Variants in A1CF observed in about 807,000 individuals in gnomAD.
A1CF encodes the protein APOBEC1 complementation factor.
In A1CF, 48 loss-of-function variants were observed where a neutral mutation model predicts 68.9. The observed-to-expected ratio is 0.70, with a 90% CI of 0.55 to 0.89. A1CF has a LOEUF of 0.89. A1CF is among the 40% of genes least tolerant of loss of function. The probability of loss-of-function intolerance (pLI) is 0.00; values close to 1 mark genes in which losing one functional copy is unlikely to be tolerated. For synonymous variants in A1CF, 272 were observed against 260.4 expected, an observed-to-expected ratio of 1.04 and a Z score of -0.43; for missense variants, 653 against 718.9, an observed-to-expected ratio of 0.91 and a Z score of 1.05.
chr10:50,826,632 C>T (rs917707270), intron 7 of A1CF, among the ~76,000 whole-genome samples: 3 of 152,050 alleles, frequency 2.0e-5, no homozygotes, highest in African/African-American at 4.8e-5. Context: ...CTGAAGGAAG[C>T]GCTAAACATG....
chr10:50,804,709 C>A lies in A1CF; in HGVS notation c.*2020G>T, dbSNP rs1837743040. The A allele has an allele frequency of 6.6e-6, 1 of 152,016 alleles. No individual in the cohort carries two copies. Among genetic ancestry groups the A allele is most frequent in the African/African-American group, 2.4e-5 (1 of 41,394 alleles). 9.4% of individuals were successfully genotyped at this position (152,016 alleles called of 1,614,324 possible). ...TATTTATGGGATAAATATGATTTGGCTATTTGTCTTAACTTAGATGATTTT... is the reference window on the plus strand; with the variant it reads ...TATTTATGGGATAAATATGATTTGGATATTTGTCTTAACTTAGATGATTTT... On this transcript the variant is annotated 3_prime_UTR_variant, in exon 13 of 13. Transcript: ENST00000373997.
At chr10:50,815,217 A>G (rs1225728945) in intron 9 of A1CF, among the ~76,000 whole-genome samples, 1 of 152,224 alleles carries the variant, frequency 6.6e-6, no homozygotes, top group Admixed American at 6.5e-5. Context: ...ACTCATCTGA[A>G]GGAGCCAAAA....
chr10:50,820,319 A>C (rs1248488821), intron 8 of A1CF, among the ~76,000 whole-genome samples: 1 of 152,204 alleles, frequency 6.6e-6, no homozygotes, highest in Non-Finnish European at 1.5e-5. Flanking sequence ...ATTGAGGGCC[A>C]GTGACTTGTC....
intron 4 of A1CF, among the ~76,000 whole-genome samples, chr10:50,842,740 C>T (rs1200926320): frequency 2.0e-5 from 3 of 152,206 alleles, no homozygotes; most frequent in African/African-American, 4.8e-5. Context: ...AATGCTCATT[C>T]GCCAAACTAA....
At chr10:50,815,248 C>T (rs1398005523) in intron 9 of A1CF, among the ~76,000 whole-genome samples, 1 of 152,124 alleles carries the variant, frequency 6.6e-6, no homozygotes, top group African/African-American at 2.4e-5. Flanking sequence ...AAGCTAGTTT[C>T]TTGGAAATAG....
At chr10:50,808,882 GAATT>G (rs1346003950) in intron 12 of A1CF, among the ~76,000 whole-genome samples, 3 of 151,956 alleles carry the variant, frequency 2.0e-5, no homozygotes, top group Non-Finnish European at 4.4e-5. Flanking sequence ...GCCAATATAT[GAATT>G]AATTAATCAA....
At chr10:50,860,682 C>G (rs191265903) in intron 2 of A1CF, among the ~76,000 whole-genome samples, 1 of 152,138 alleles carries the variant, frequency 6.6e-6, no homozygotes, top group African/African-American at 2.4e-5. Context: ...CATATGTTCA[C>G]GTTTGTGTGT....
chr10:50,821,824 A>G (rs1838692328), intron 7 of A1CF, among the ~76,000 whole-genome samples: 1 of 152,186 alleles, frequency 6.6e-6, no homozygotes, highest in Non-Finnish European at 1.5e-5. Context: ...GGCATGAGCC[A>G]CCGTGCCTGG....
chr10:50,879,376 T>C (rs1841668899), intron 1 of A1CF, among the ~76,000 whole-genome samples: 1 of 152,224 alleles, frequency 6.6e-6, no homozygotes, highest in South Asian at 2.1e-4. Context: ...ACAATTACTT[T>C]TTATTTTTAT....
intron 5 of A1CF, among the ~76,000 whole-genome samples, chr10:50,841,366 T>C (rs189127134): frequency 2.0e-5 from 3 of 152,348 alleles, no homozygotes; most frequent in Admixed American, 1.3e-4. Flanking sequence ...TCTCCTTTCC[T>C]GAAATAACCT....
At chr10:50,817,493 G>A (rs57879199) in intron 8 of A1CF, among the ~76,000 whole-genome samples, 5,344 of 152,232 alleles carry the variant, frequency 0.035, 276 homozygotes, top group African/African-American at 0.12. Flanking sequence ...CTTTTTAGTA[G>A]CAGGAGCCAG....
Position 50,828,003 on chromosome 10 carries a change from T to C in A1CF, c.769+128A>G, listed in dbSNP as rs553479340. The C allele has an allele frequency of 1.2e-4, 72 of 578,566 alleles. 3 individuals carry two copies. The South Asian group carries it at 3.2e-3, about 26-fold the overall frequency. The allele number at this position is 578,566 out of a possible 1,614,324, so 35.8% of individuals were successfully genotyped here. A position where few individuals can be genotyped will look rare whatever the true frequency, so the allele number is the denominator to read the frequency against. On this transcript the variant is annotated intron_variant, in intron 7 of 12. Coordinates refer to ENST00000373997, the MANE Select transcript of A1CF (RefSeq NM_014576.4). ...TACAAACTACCGTCAGAGAATACTA[T>C]AAACACCTCTATGCAAATAAACTAG...
intron 5 of A1CF, among the ~76,000 whole-genome samples, chr10:50,839,190 T>C (rs1839659066): frequency 6.6e-6 from 1 of 152,240 alleles, no homozygotes; most frequent in South Asian, 2.1e-4. Flanking sequence ...ATTCATATCC[T>C]ATCTGCTGTC....
rs370760971 is a variant in A1CF, at chr10:50,867,132, C to T, written c.-93-3052G>A. Among the ~76,000 whole-genome samples, 52 of 151,538 alleles carry T rather than the reference C, an allele frequency of 3.4e-4. 2 individuals are homozygous for T. In the South Asian group the frequency reaches 9.8e-3, roughly 29 times the overall value. Reference sequence around the variant, plus strand: ...AACGAGTCATGAAAGCATAGCTTGGCAAAAACAGAACTAGAAATCGTAGTT... The same window carrying T: ...AACGAGTCATGAAAGCATAGCTTGGTAAAAACAGAACTAGAAATCGTAGTT... On this transcript the variant is annotated intron_variant, in intron 1 of 12. Transcript: ENST00000373997.
chr10:50,883,728 T>C (rs1199424539), intron 1 of A1CF, among the ~76,000 whole-genome samples: 1 of 152,196 alleles, frequency 6.6e-6, no homozygotes, highest in Admixed American at 6.5e-5. Context: ...CCTACTCTCT[T>C]AGATAGTTGT....
intron 1 of A1CF, among the ~76,000 whole-genome samples, chr10:50,880,994 CT>C (rs1288535656): frequency 1.6e-3 from 226 of 143,704 alleles, no homozygotes; most frequent in Middle Eastern, 3.6e-3. Context: ...CATTTAGACT[CT>C]TTTTTTTTTT....
intron 7 of A1CF, among the ~76,000 whole-genome samples, chr10:50,821,152 G>A (rs1838646625): frequency 6.6e-6 from 1 of 152,132 alleles, no homozygotes; most frequent in Non-Finnish European, 1.5e-5. Context: ...GATTTAGAGT[G>A]CACACAGAGA....
chr10:50,841,772 TG>T, intron 5 of A1CF, 89 bp downstream of exon 5: 1 of 1,484,432 alleles, frequency 6.7e-7, no homozygotes, highest in Non-Finnish European at 9.1e-7. Context: ...GCTTTTTTTT[TG>T]GCATACACCA....
At chr10:50,846,954 A>G (rs1289015626) in intron 3 of A1CF, among the ~76,000 whole-genome samples, 1 of 152,192 alleles carries the variant, frequency 6.6e-6, no homozygotes, top group East Asian at 1.9e-4. Flanking sequence ...AGTTCAGATC[A>G]ATTTAAGACA....
Sources: allele counts gnomAD v4.1 joint callset (sites outside exome capture counted in the v4.1 genomes callset), GRCh38; gene constraint gnomAD v4.1.1; transcripts MANE v1.5; gene names NCBI Gene and HGNC (gene_info 2026-07-23, HGNC 2026-07-21).